Variants in NTRK2 observed in about 807,000 individuals in gnomAD.
The protein encoded by NTRK2 is neurotrophic receptor tyrosine kinase 2.
A neutral mutation model predicts 94.5 loss-of-function variants in NTRK2; 13 were observed. The ratio of observed to expected loss-of-function variants is 0.14; its 90% CI spans 0.09 to 0.22. The LOEUF (loss-of-function observed/expected upper bound fraction) is 0.22. Ranked by LOEUF, NTRK2 falls within the 10% of genes least tolerant of loss-of-function variation. NTRK2 has a pLI of 1.00. For missense variants in NTRK2, 639 were observed against 1,071.2 expected, an observed-to-expected ratio of 0.60 and a Z score of 5.63; for synonymous variants, 372 against 407.4, an observed-to-expected ratio of 0.91 and a Z score of 1.05.
At chr9:84,962,374 G>C (rs546148149) in intron 17 of NTRK2, among the ~76,000 whole-genome samples, 32 of 152,290 alleles carry the variant, frequency 2.1e-4, no homozygotes, top group Admixed American at 1.4e-3. Context: ...TTTTAACAAA[G>C]GCTATAGAAA....
chr9:84,812,700 A>T (rs756819352), intron 12 of NTRK2: 4 of 1,042,284 alleles, frequency 3.8e-6, no homozygotes, highest in Non-Finnish European at 4.6e-6. Flanking sequence ...ATGTTATACC[A>T]TGGAGCCATA....
At chr9:84,682,193 T>C (rs1236463715) in intron 2 of NTRK2, among the ~76,000 whole-genome samples, 4 of 152,220 alleles carry the variant, frequency 2.6e-5, no homozygotes, top group African/African-American at 4.8e-5. Flanking sequence ...TGCTGATTGA[T>C]GTATTCTTTC....
chr9:84,912,611 C>CTTTTTTT (rs1212242779), intron 14 of NTRK2, among the ~76,000 whole-genome samples: 23 of 95,254 alleles, frequency 2.4e-4, no homozygotes, highest in East Asian at 7.0e-4. Context: ...TTTGACTTGC[C>CTTTTTTT]TTTTTTTTTT....
chr9:84,853,382 C>G (rs1042946522), intron 12 of NTRK2, among the ~76,000 whole-genome samples: 59 of 152,328 alleles, frequency 3.9e-4, no homozygotes, highest in African/African-American at 1.4e-3. Flanking sequence ...TCTAGTCCAG[C>G]TCTTTATTCC....
At position 84,861,089 on chromosome 9, in the gene NTRK2, T is replaced by G. The variant is rs2075317400; in HGVS notation, c.1444+2T>G. On this transcript the variant is annotated splice_donor_variant, in intron 13 of 18. Coordinates refer to ENST00000277120, the MANE Select transcript of NTRK2 (RefSeq NM_006180.6). LOFTEE classifies it high-confidence loss of function. ...AAGTAAAATCAAGACAAGGTGTTGG[T>G]AAGTAGTTAACTCACTCCTTCTTTG... 6.2e-7 allele frequency: 1 copy of G among 1,610,902 alleles called. No individual in the cohort carries two copies. Among genetic ancestry groups the G allele is most frequent in the Non-Finnish European group, 8.5e-7 (1 of 1,177,326 alleles).
intron 12 of NTRK2, chr9:84,813,601 C>T: frequency 5.6e-6 from 6 of 1,065,978 alleles, no homozygotes; most frequent in Non-Finnish European, 6.8e-6. Context: ...CTTTGCTCCT[C>T]TCCTGTGATT....
At chr9:84,996,255 T>G (rs1829736015) in intron 17 of NTRK2, among the ~76,000 whole-genome samples, 1 of 152,186 alleles carries the variant, frequency 6.6e-6, no homozygotes, top group South Asian at 2.1e-4. Context: ...ACTCTGAAAT[T>G]TATTAGTGCA....
intron 12 of NTRK2, among the ~76,000 whole-genome samples, chr9:84,819,618 G>A (rs1246526977): frequency 6.6e-6 from 1 of 152,180 alleles, no homozygotes; most frequent in African/African-American, 2.4e-5. Flanking sequence ...TGACCCATGG[G>A]GTGCACTGGC....
At chr9:84,682,229 A>C (rs780223853) in intron 2 of NTRK2, among the ~76,000 whole-genome samples, 21 of 152,174 alleles carry the variant, frequency 1.4e-4, no homozygotes, top group Non-Finnish European at 2.6e-4. Context: ...GCCTTTAACC[A>C]ATGCTTCTCA....
At chr9:84,917,157 T>C (rs567098109) in intron 14 of NTRK2, among the ~76,000 whole-genome samples, 1 of 152,362 alleles carries the variant, frequency 6.6e-6, no homozygotes, top group Middle Eastern at 3.4e-3. Context: ...GAAGTCCTTG[T>C]TGGCAGTCAA....
Position 85,021,534 on chromosome 9 carries a change from C to A in NTRK2, c.*97C>A. 1.7e-6 allele frequency: 2 copies of A among 1,169,334 alleles called. No individual in the cohort carries two copies. Among genetic ancestry groups the A allele is most frequent in the Non-Finnish European group, 2.6e-6 (2 of 778,522 alleles). 72.4% of individuals were successfully genotyped at this position (1,169,334 alleles called of 1,614,324 possible). A position where few individuals can be genotyped will look rare whatever the true frequency, so the allele number is the denominator to read the frequency against. On this transcript the variant is annotated 3_prime_UTR_variant, in exon 19 of 19. Coordinates refer to ENST00000277120, the MANE Select transcript of NTRK2 (RefSeq NM_006180.6). ...TGCCGCTGGAGGCCACCAAGCTGCT[C>A]TCCTTCACTCTGACAGTATTAACAT...
At chr9:84,742,847 C>T (rs1009936764) in intron 10 of NTRK2, among the ~76,000 whole-genome samples, 2 of 126,276 alleles carry the variant, frequency 1.6e-5, no homozygotes, top group South Asian at 2.6e-4. Flanking sequence ...GTTGCCCAGG[C>T]TGGAGTCCAG....
intron 9 of NTRK2, among the ~76,000 whole-genome samples, chr9:84,731,696 A>C (rs2062901015): frequency 6.6e-6 from 1 of 152,040 alleles, no homozygotes; most frequent in South Asian, 2.1e-4. Flanking sequence ...CTCTACTTGG[A>C]GGAAGGATGG....
chr9:84,906,573 G>T (rs1046499028), intron 14 of NTRK2, among the ~76,000 whole-genome samples: 4 of 152,210 alleles, frequency 2.6e-5, no homozygotes, highest in African/African-American at 9.7e-5. Context: ...TCTTCCAGCT[G>T]ACTGGGTCTT....
At chr9:84,755,208 C>T (rs528267093) in intron 12 of NTRK2, among the ~76,000 whole-genome samples, 8 of 152,290 alleles carry the variant, frequency 5.3e-5, no homozygotes, top group Admixed American at 1.3e-4. Flanking sequence ...TAAGCTTCGT[C>T]GGGTTTTGTT....
intron 11 of NTRK2, among the ~76,000 whole-genome samples, chr9:84,749,890 C>T (rs554079758): frequency 6.6e-6 from 1 of 152,290 alleles, no homozygotes; most frequent in East Asian, 1.9e-4. Context: ...AGCTATGCTG[C>T]AGTAACAAAA....
intron 12 of NTRK2, among the ~76,000 whole-genome samples, chr9:84,776,596 TGCCA>T (rs2067069846): frequency 6.6e-6 from 1 of 152,208 alleles, no homozygotes; most frequent in Non-Finnish European, 1.5e-5. Context: ...CAAGTTAGCC[TGCCA>T]TGATTTCATA....
chr9:84,888,503 C>T (rs1407504864), intron 14 of NTRK2, among the ~76,000 whole-genome samples: 3 of 150,700 alleles, frequency 2.0e-5, no homozygotes, highest in African/African-American at 4.9e-5. Context: ...GTCCCAGCTA[C>T]TCTGGAGGCT....
At chr9:84,696,772 G>A (rs184406255) in intron 2 of NTRK2, among the ~76,000 whole-genome samples, 4 of 152,312 alleles carry the variant, frequency 2.6e-5, no homozygotes, top group Non-Finnish European at 5.9e-5. Flanking sequence ...CATTTTTGGT[G>A]TTGTGTCTAC....
Sources: allele counts gnomAD v4.1 joint callset (sites outside exome capture counted in the v4.1 genomes callset), GRCh38; gene constraint gnomAD v4.1.1; transcripts MANE v1.5; gene names NCBI Gene and HGNC (gene_info 2026-07-23, HGNC 2026-07-21).